SLC25A21: variants seen among roughly 807,000 people sequenced by gnomAD.
SLC25A21 encodes solute carrier family 25 member 21.
Under a neutral mutation model 43.8 loss-of-function variants are expected in SLC25A21, and 47 were observed. The observed-to-expected ratio is 1.07, with a 90% CI of 0.85 to 1.37. The LOEUF (loss-of-function observed/expected upper bound fraction) is 1.37. Among genes scored for constraint, SLC25A21 ranks in the 40% most tolerant of loss-of-function variants. The pLI, the probability that SLC25A21 is intolerant of heterozygous loss-of-function variation, is 0.00. For synonymous variants in SLC25A21, 131 were observed against 121.3 expected, an observed-to-expected ratio of 1.08 and a Z score of -0.52; for missense variants, 352 against 350.2, an observed-to-expected ratio of 1.00 and a Z score of -0.04.
chr14:36,683,826 A>T lies in SLC25A21; in HGVS notation c.838+2T>A, dbSNP rs767156019. On this transcript the variant is annotated splice_donor_variant, in intron 9 of 9. Transcript: ENST00000331299. LOFTEE classifies it high-confidence loss of function. ...GGATTAAATAATCAAAATTATCATT[A>T]CCTGGTCCAAGTCTCATAATCTTGG... is the stretch of plus-strand genomic sequence containing the variant. 41 of 1,597,172 alleles carry T rather than the reference A, an allele frequency of 2.6e-5. No homozygotes were observed. In the East Asian group the frequency reaches 9.2e-4, roughly 36 times the overall value.
chr14:36,856,732 C>T (rs1190768614), intron 2 of SLC25A21, among the ~76,000 whole-genome samples: 3 of 152,180 alleles, frequency 2.0e-5, no homozygotes, highest in African/African-American at 7.2e-5. Context: ...AGCAATTCTG[C>T]TAGAATCTGA....
chr14:37,013,891 G>A (rs1960788835), intron 1 of SLC25A21, among the ~76,000 whole-genome samples: 1 of 152,012 alleles, frequency 6.6e-6, no homozygotes, highest in South Asian at 2.1e-4. Context: ...GTTTCCCAGT[G>A]CATATAAAAG....
chr14:36,895,767 A>T (rs1352496444), intron 1 of SLC25A21, among the ~76,000 whole-genome samples: 4 of 152,160 alleles, frequency 2.6e-5, no homozygotes, highest in Non-Finnish European at 5.9e-5. Context: ...TTCAAAGAAC[A>T]TCTTTATTTC....
At position 36,679,466 on chromosome 14, in the gene SLC25A21, C is replaced by CAGTT; in HGVS notation, c.*1188_*1191dup. On this transcript the variant is annotated 3_prime_UTR_variant, in exon 10 of 10. Coordinates refer to ENST00000331299, the MANE Select transcript of SLC25A21 (RefSeq NM_030631.4). ...TTAGGACAGGTGTCATATGGACTTT[C>CAGTT]AGTTATTCTTGTTGACTTTACTGAA... 2.0e-6 allele frequency: 2 copies of CAGTT among 985,354 alleles called. No individual in the cohort carries two copies. The highest frequency in any genetic ancestry group is 2.4e-6 in the Non-Finnish European group (2 of 829,896). 61.0% of individuals were successfully genotyped at this position (985,354 alleles called of 1,614,324 possible). A position where few individuals can be genotyped will look rare whatever the true frequency, so the allele number is the denominator to read the frequency against.
intron 6 of SLC25A21, among the ~76,000 whole-genome samples, chr14:36,722,836 ATTTT>A (rs1191700514): frequency 6.6e-6 from 1 of 152,118 alleles, no homozygotes; most frequent in Non-Finnish European, 1.5e-5. Flanking sequence ...GCTTGGATTA[ATTTT>A]TTTAAGTCAA....
intron 1 of SLC25A21, among the ~76,000 whole-genome samples, chr14:37,095,860 AG>A (rs1368445143): frequency 3.2e-4 from 48 of 151,832 alleles, no homozygotes; most frequent in African/African-American, 1.2e-3. Flanking sequence ...CACCTTGACC[AG>A]GTGATCAAAA....
At chr14:37,162,123 G>C (rs914292136) in intron 1 of SLC25A21, among the ~76,000 whole-genome samples, 1 of 152,116 alleles carries the variant, frequency 6.6e-6, no homozygotes, top group Non-Finnish European at 1.5e-5. Context: ...GGAGAGAGGT[G>C]TGGGTCAGAT....
intron 3 of SLC25A21, among the ~76,000 whole-genome samples, chr14:36,811,913 A>G (rs1888284227): frequency 6.6e-6 from 1 of 152,220 alleles, no homozygotes; most frequent in African/African-American, 2.4e-5. Flanking sequence ...ATCAGGATGG[A>G]AAAGATAGAT....
chr14:36,746,744 T>C (rs1009764328), intron 3 of SLC25A21, among the ~76,000 whole-genome samples: 2 of 152,136 alleles, frequency 1.3e-5, no homozygotes, highest in African/African-American at 4.8e-5. Flanking sequence ...ATTCATAAAG[T>C]AACTATCATT....
intron 1 of SLC25A21, among the ~76,000 whole-genome samples, chr14:37,152,922 G>T (rs532347290): frequency 6.6e-6 from 1 of 152,100 alleles, no homozygotes; most frequent in Non-Finnish European, 1.5e-5. Flanking sequence ...CTTCAAATAC[G>T]TTATCCAAGA....
chr14:36,913,291 T>G (rs1306252780), intron 1 of SLC25A21, among the ~76,000 whole-genome samples: 1 of 152,098 alleles, frequency 6.6e-6, no homozygotes, highest in Non-Finnish European at 1.5e-5. Flanking sequence ...ATGTGTGAAC[T>G]GAGATTTTTT....
chr14:36,757,459 G>A (rs1056956327), intron 3 of SLC25A21, among the ~76,000 whole-genome samples: 1 of 151,602 alleles, frequency 6.6e-6, no homozygotes, highest in Non-Finnish European at 1.5e-5. Flanking sequence ...ATTTTCTTCT[G>A]GAAATTAAAA....
At chr14:36,965,559 T>G (rs148209746) in intron 1 of SLC25A21, among the ~76,000 whole-genome samples, 174 of 152,318 alleles carry the variant, frequency 1.1e-3, no homozygotes, top group African/African-American at 4.0e-3. Flanking sequence ...TTTTGGCATA[T>G]AAATACACAC....
At chr14:36,973,915 T>A (rs1023772333) in intron 1 of SLC25A21, among the ~76,000 whole-genome samples, 4 of 152,044 alleles carry the variant, frequency 2.6e-5, no homozygotes, top group Admixed American at 2.0e-4. Context: ...TAAAAAAAAT[T>A]GCAAGGACAA....
chr14:36,752,830 C>T (rs973568883), intron 3 of SLC25A21, among the ~76,000 whole-genome samples: 2 of 152,088 alleles, frequency 1.3e-5, no homozygotes, highest in African/African-American at 2.4e-5. Context: ...GGGCTTTCCC[C>T]GCCTTTGCTT....
intron 3 of SLC25A21, among the ~76,000 whole-genome samples, chr14:36,751,446 C>T (rs751858005): frequency 6.6e-6 from 1 of 152,146 alleles, no homozygotes; most frequent in Non-Finnish European, 1.5e-5. Flanking sequence ...TTTAGAGAAG[C>T]AACACTGCAT....
At chr14:36,978,371 G>A (rs1959930877) in intron 1 of SLC25A21, among the ~76,000 whole-genome samples, 1 of 152,186 alleles carries the variant, frequency 6.6e-6, no homozygotes, top group Non-Finnish European at 1.5e-5. Context: ...GTGTGTGATA[G>A]TGTTATGCCT....
chr14:36,844,623 C>T (rs1263647405), intron 2 of SLC25A21, among the ~76,000 whole-genome samples: 1 of 152,080 alleles, frequency 6.6e-6, no homozygotes, highest in African/African-American at 2.4e-5. Flanking sequence ...GGAGTGGGAC[C>T]CCCCACTGCC....
At chr14:37,161,468 A>G (rs1963939227) in intron 1 of SLC25A21, among the ~76,000 whole-genome samples, 1 of 152,188 alleles carries the variant, frequency 6.6e-6, no homozygotes, top group African/African-American at 2.4e-5. Flanking sequence ...GAAAAATACA[A>G]TAGAATGTCT....
Sources: allele counts gnomAD v4.1 joint callset (sites outside exome capture counted in the v4.1 genomes callset), GRCh38; gene constraint gnomAD v4.1.1; transcripts MANE v1.5; gene names NCBI Gene and HGNC (gene_info 2026-07-23, HGNC 2026-07-21).